Variants in PSG6 observed in about 807,000 individuals in gnomAD.
PSG6 encodes the protein pregnancy specific beta-1-glycoprotein 6.
In PSG6, 51 loss-of-function variants were observed where a neutral mutation model predicts 43.3. The ratio of observed to expected loss-of-function variants is 1.18; its 90% CI spans 0.94 to 1.49. The LOEUF (loss-of-function observed/expected upper bound fraction) is 1.49, where lower values mean the gene tolerates loss of function less well. Among genes scored for constraint, PSG6 ranks in the 40% most tolerant of loss-of-function variants. The pLI is 0.00. For synonymous variants in PSG6, 292 were observed against 197.6 expected (o/e 1.48, Z -4.01); for missense variants, 770 against 522.2 (o/e 1.47, Z -4.62).
At position 42,912,431 on chromosome 19, in the gene PSG6, A is replaced by G. The variant is rs1261023417; in HGVS notation, c.428-1573T>C. 5.3e-5 allele frequency among the ~76,000 whole-genome samples: 8 copies of G among 151,886 alleles called. 1 individual carries two copies. The highest frequency in any genetic ancestry group is 4.2e-4 in the South Asian group (2 of 4,718). ...GACCAAAATAAGGTTTAGGTGTGCC[A>G]TGAATTCCAGCAGGATCACATTATG... On this transcript the variant is annotated intron_variant, in intron 2 of 5. Coordinates refer to ENST00000187910, the MANE Select transcript of PSG6 (RefSeq NM_001031850.4).
chr19:42,915,181 C>G (rs375930846), intron 2 of PSG6: 1 of 151,666 alleles, frequency 6.6e-6, no homozygotes, highest in South Asian at 2.1e-4. Flanking sequence ...GTGACTGTGG[C>G]TCAGTGACTG....
chr19:42,902,758 A>G (rs1972054629), intron 5 of PSG6, among the ~76,000 whole-genome samples: 1 of 151,496 alleles, frequency 6.6e-6, no homozygotes, highest in South Asian at 2.1e-4. Context: ...TCCCTGATAA[A>G]TTATCTTGTA....
At chr19:42,910,027 A>C (rs1327298340) in intron 3 of PSG6, 1 of 177,672 alleles carries the variant, frequency 5.6e-6, no homozygotes, top group East Asian at 1.4e-4. Context: ...GGTATAAAGA[A>C]CACTTGTGCT....
Position 42,904,642 on chromosome 19 carries a change from G to T in PSG6, c.1241-2196C>A, listed in dbSNP as rs181238776. ...AGTATTGCTGAAAGAAATGAAAGAT[G>T]ACATCAATAAATTGAAAGACATTTT... On this transcript the variant is annotated intron_variant, in intron 5 of 5. Coordinates refer to ENST00000187910, the MANE Select transcript of PSG6 (RefSeq NM_001031850.4). Among the ~76,000 whole-genome samples, 27 of 151,768 alleles carry T rather than the reference G, an allele frequency of 1.8e-4. 2 individuals carry two copies. In the East Asian group the frequency reaches 3.3e-3, roughly 19 times the overall value.
chr19:42,910,924 A>G, intron 2 of PSG6, 66 bp from the exon 3 acceptor site: 1 of 1,540,032 alleles, frequency 6.5e-7, no homozygotes, highest in Non-Finnish European at 8.7e-7. Flanking sequence ...GGCATTTTTC[A>G]ATCAGAGTTG....
intron 5 of PSG6, among the ~76,000 whole-genome samples, chr19:42,904,656 G>T (rs936707100): frequency 6.6e-6 from 1 of 151,656 alleles, no homozygotes; most frequent in Non-Finnish European, 1.5e-5. Flanking sequence ...TCAATAAATT[G>T]AAAGACATTT....
At chr19:42,906,138 G>T (rs1273572232) in intron 5 of PSG6, among the ~76,000 whole-genome samples, 1 of 151,522 alleles carries the variant, frequency 6.6e-6, no homozygotes, top group Non-Finnish European at 1.5e-5. Context: ...AGAGCCCCAG[G>T]GGTGAATCTC....
intron 1 of PSG6, among the ~76,000 whole-genome samples, 185 bp from the exon 2 acceptor site, chr19:42,916,672 G>T (rs1363680227): frequency 6.7e-6 from 1 of 148,156 alleles, no homozygotes; most frequent in East Asian, 2.0e-4. Context: ...GTGTCCTACT[G>T]TCCTACTAGG....
chr19:42,902,926 G>A (rs1488042989), intron 5 of PSG6, among the ~76,000 whole-genome samples: 2 of 151,566 alleles, frequency 1.3e-5, no homozygotes, highest in African/African-American at 2.4e-5. Context: ...ATGGAAAAAG[G>A]TAGGTACTGT....
chr19:42,910,059 A>G (rs993083414), intron 3 of PSG6: 6 of 188,442 alleles, frequency 3.2e-5, no homozygotes, highest in African/African-American at 1.4e-4. Flanking sequence ...CTTCCCATCA[A>G]TCAGCCAAGA....
Position 42,910,606 on chromosome 19 carries a change from C to T in PSG6, c.680G>A (p.Ser227Asn), listed in dbSNP as rs768329323. 22 of 1,612,408 alleles carry T rather than the reference C, an allele frequency of 1.4e-5. 1 individual carries two copies. The highest frequency in any genetic ancestry group is 3.3e-4 in the Middle Eastern group (2 of 6,084). The change falls in exon 3 of 6, where the codon AGT (serine) becomes AAT (asparagine). Residue 227 changes from serine (S) to asparagine (N), a missense_variant. Ser to Asn is a conservative substitution (Grantham distance 46). Coordinates refer to ENST00000187910, the MANE Select transcript of PSG6 (RefSeq NM_001031850.4). ...EIRNPVSASR[S>N]DPVTLNLLPK... ...GAGGAGATTCAGGGTGACTGGGTCA[C>T]TGCGGCTGGCACTCACTGGGTTCCG...
rs1018465561 is a variant in PSG6, at chr19:42,917,884, C to T, written c.-92G>A. The T allele has an allele frequency of 1.1e-5, 17 of 1,497,512 alleles. No homozygotes were observed. The South Asian group carries it at 1.7e-4, about 15-fold the overall frequency. 92.8% of individuals were successfully genotyped at this position (1,497,512 alleles called of 1,614,324 possible). A position where few individuals can be genotyped will look rare whatever the true frequency, so the allele number is the denominator to read the frequency against. On this transcript the variant is annotated 5_prime_UTR_variant, in exon 1 of 6. Transcript: ENST00000187910. ...GGCTGTCAGGTGTGCTGTCCTTCCTCCTTCTGTGCTGAGCCTCTTCCCAGG... is the reference window on the plus strand; with the variant it reads ...GGCTGTCAGGTGTGCTGTCCTTCCTTCTTCTGTGCTGAGCCTCTTCCCAGG...
At position 42,905,755 on chromosome 19, in the gene PSG6, A is replaced by C. The variant is rs566025541; in HGVS notation, c.1240+1167T>G. On this transcript the variant is annotated intron_variant, in intron 5 of 5. Coordinates refer to ENST00000187910, the MANE Select transcript of PSG6 (RefSeq NM_001031850.4). ...TTCAACCTTAACAAGGAAGAAAATT[A>C]CAATACATCGTGCAAAATGGATGAA... 4.6e-4 allele frequency among the ~76,000 whole-genome samples: 70 copies of C among 151,868 alleles called. 2 individuals carry two copies. The highest frequency in any genetic ancestry group is 1.5e-3 in the African/African-American group (64 of 41,422).
chr19:42,907,981 G>C, intron 3 of PSG6, 127 bp from the exon 4 acceptor site: 3 of 1,377,624 alleles, frequency 2.2e-6, no homozygotes, highest in Non-Finnish European at 3.0e-6. Flanking sequence ...GCTGGTGCAT[G>C]TGTCACAAGA....
In PSG6 at chr19:42,912,640, A is replaced by T. The variant is rs151202961; in HGVS notation, c.428-1782T>A. On this transcript the variant is annotated intron_variant, in intron 2 of 5. Coordinates refer to ENST00000187910, the MANE Select transcript of PSG6 (RefSeq NM_001031850.4). ...GAACCTGCTTCTAATTTCTGTGCAG[A>T]GTTACAAAACATGGGGAGGACCCCA... 4.8e-3 allele frequency among the ~76,000 whole-genome samples: 724 copies of T among 151,990 alleles called. 27 individuals carry two copies. The highest frequency in any genetic ancestry group is 0.042 in the Admixed American group (645 of 15,236).
Position 42,915,904 on chromosome 19 carries a change from T to A in PSG6, c.427+221A>T. The A allele has an allele frequency of 1.2e-5, 8 of 672,538 alleles. 1 individual carries two copies. Among genetic ancestry groups the A allele is most frequent in the Non-Finnish European group, 1.9e-5 (8 of 431,226 alleles). 41.7% of individuals were successfully genotyped at this position (672,538 alleles called of 1,614,324 possible). ...CTGAGTCCCCCCATCAGACTGTCCTTCCTCTGCAGCGAGTGTCTGCAGGGT... is the reference window on the plus strand; with the variant it reads ...CTGAGTCCCCCCATCAGACTGTCCTACCTCTGCAGCGAGTGTCTGCAGGGT... On this transcript the variant is annotated intron_variant, in intron 2 of 5. Transcript: ENST00000187910.
chr19:42,913,903 C>A (rs563444794), intron 2 of PSG6, among the ~76,000 whole-genome samples: 1 of 151,750 alleles, frequency 6.6e-6, no homozygotes, highest in African/African-American at 2.4e-5. Context: ...TGAAACTATC[C>A]TTGAAAATCT....
At chr19:42,915,465 T>A (rs1250416513) in intron 2 of PSG6, 4 of 153,518 alleles carry the variant, frequency 2.6e-5, no homozygotes, top group African/African-American at 7.3e-5. Context: ...CTATGGAGTG[T>A]CCTAGGCCTC....
At chr19:42,904,864 T>A (rs1435412126) in intron 5 of PSG6, among the ~76,000 whole-genome samples, 1 of 151,722 alleles carries the variant, frequency 6.6e-6, no homozygotes, top group East Asian at 1.9e-4. Context: ...GCTGGAGGAC[T>A]CACACTTCCT....
Sources: gnomAD v4.1 joint callset for allele counts (sites outside exome capture counted in the v4.1 genomes callset) on GRCh38, gnomAD v4.1.1 for gene constraint, MANE v1.5 for transcripts, NCBI Gene and HGNC (gene_info 2026-07-23, HGNC 2026-07-21) for gene names.